RPF1: variants seen among roughly 807,000 people sequenced by gnomAD.
RPF1 encodes ribosome production factor 1.
A neutral mutation model predicts 41.9 loss-of-function variants in RPF1; 34 were observed. The observed-to-expected ratio is 0.81, with a 90% CI of 0.62 to 1.08. The LOEUF (loss-of-function observed/expected upper bound fraction) is 1.08, where lower values mean the gene tolerates loss of function less well. RPF1 is among the 50% of genes least tolerant of loss of function. The pLI is 0.00. For synonymous variants in RPF1, 140 were observed against 148.9 expected (o/e 0.94, Z 0.43); for missense variants, 425 against 435.2 (o/e 0.98, Z 0.21).
Position 84,482,904 on chromosome 1 carries a change from CT to C in RPF1, c.286-7del. On this transcript the variant is annotated splice_polypyrimidine_tract_variant and intron_variant, in intron 2 of 8. Coordinates refer to ENST00000370654, the MANE Select transcript of RPF1 (RefSeq NM_025065.7). ...ATCCTTCTAAAATGTAATCCCTTCT[CT>C]TTTACTTAGGCTCCACCAAAGCCTG... 6.4e-7 allele frequency: 1 copy of C among 1,573,942 alleles called. No individual in the cohort carries two copies. Among genetic ancestry groups the C allele is most frequent in the Non-Finnish European group, 8.7e-7 (1 of 1,146,640 alleles).
Position 84,496,260 on chromosome 1 carries a change from G to T in RPF1, c.898G>T (p.Glu300Ter). The T allele has an allele frequency of 6.2e-7, 1 of 1,613,360 alleles. No homozygotes were observed. The highest frequency in any genetic ancestry group is 1.7e-4 in the Middle Eastern group (1 of 6,052). Reference sequence around the variant, plus strand: ...TCTTTGAAGATACATATTCAGGAGTGAAAAGAAAGTGGGAATTCAGGAACT... The same window carrying T: ...TCTTTGAAGATACATATTCAGGAGTTAAAAGAAAGTGGGAATTCAGGAACT... ...FRFHRYIFRS[E>*]KKVGIQELGP... The change falls in exon 8 of 9, where the codon GAA becomes TAA. Residue 300 changes from glutamate to a stop codon, truncating the protein, a stop_gained. Transcript: ENST00000370654. LOFTEE classifies it high-confidence loss of function.
chr1:84,483,652 A>T (rs1272044553), intron 3 of RPF1, among the ~76,000 whole-genome samples: 1 of 152,144 alleles, frequency 6.6e-6, no homozygotes, highest in Non-Finnish European at 1.5e-5. Flanking sequence ...ATTTGATGCT[A>T]TTTTTTGTAT....
At chr1:84,482,486 C>A (rs1241348147) in intron 2 of RPF1, among the ~76,000 whole-genome samples, 1 of 152,162 alleles carries the variant, frequency 6.6e-6, no homozygotes, top group East Asian at 1.9e-4. Flanking sequence ...ATTACTAGGT[C>A]AATGGATAAC....
At chr1:84,492,372 CTT>C (rs890528528) in intron 5 of RPF1, among the ~76,000 whole-genome samples, 3 of 152,120 alleles carry the variant, frequency 2.0e-5, no homozygotes, top group African/African-American at 7.2e-5. Context: ...AAGGGATATA[CTT>C]TTTTGACTTA....
chr1:84,493,388 G>A (rs1681869043), intron 5 of RPF1, among the ~76,000 whole-genome samples: 1 of 150,770 alleles, frequency 6.6e-6, no homozygotes, highest in Non-Finnish European at 1.5e-5. Flanking sequence ...GGGAGGCTAA[G>A]GCAGGTGGAT....
In RPF1 at chr1:84,480,986, A is replaced by T; in HGVS notation, c.259A>T (p.Lys87Ter). ...EKLAAKKKLK[K>*]EREALGDKAP... ...GTTGGCAGCTAAGAAAAAACTTAAA[A>T]AAGAAAGAGAGGCTCTTGGCGATAA... Residue 87 changes from lysine (K) to a stop codon, truncating the protein, a stop_gained, in exon 2 of 9, where the codon AAA (lysine) becomes TAA (stop). Coordinates refer to ENST00000370654, the MANE Select transcript of RPF1 (RefSeq NM_025065.7). LOFTEE classifies it high-confidence loss of function. 6 of 1,596,390 alleles carry T rather than the reference A, an allele frequency of 3.8e-6. No homozygotes were observed. Among genetic ancestry groups the T allele is most frequent in the Non-Finnish European group, 5.1e-6 (6 of 1,166,884 alleles).
chr1:84,489,621 C>T lies in RPF1; in HGVS notation c.367-12C>T. On this transcript the variant is annotated splice_polypyrimidine_tract_variant and intron_variant, in intron 3 of 8. Transcript: ENST00000370654. ...TCTTTGATGTAAAATTATTCCTCTT[C>T]TCTGTTCTCAGGTCGCTTATGATGA... 2 of 1,488,254 alleles carry T rather than the reference C, an allele frequency of 1.3e-6. No individual in the cohort carries two copies. The highest frequency in any genetic ancestry group is 1.9e-6 in the Non-Finnish European group (2 of 1,065,672). 92.2% of individuals were successfully genotyped at this position (1,488,254 alleles called of 1,614,324 possible).
At position 84,495,452 on chromosome 1, in the gene RPF1, T is replaced by C. The variant is rs561518447; in HGVS notation, c.696T>C (p.Ile232=). 5.3e-4 allele frequency: 732 copies of C among 1,372,188 alleles called. 9 individuals carry two copies. In the South Asian group the frequency reaches 8.2e-3, roughly 15 times the overall value. 85.0% of individuals were successfully genotyped at this position (1,372,188 alleles called of 1,614,324 possible). A position where few individuals can be genotyped will look rare whatever the true frequency, so the allele number is the denominator to read the frequency against. Residue 232 remains isoleucine (I), a synonymous_variant, in exon 6 of 9, where the codon ATT becomes ATC. Transcript: ENST00000370654. Reference sequence around the variant, plus strand: ...GCAGTGTTCGTCTTCGTAAAGAAATTAAGGTAAGTTTTATACATTTCTTTG... The same window carrying C: ...GCAGTGTTCGTCTTCGTAAAGAAATCAAGGTAAGTTTTATACATTTCTTTG... ...KMSSVRLRKE[I]KRRGKDPTEH...
chr1:84,495,828 G>A (rs1570354461), intron 6 of RPF1, 54 bp from the exon 7 acceptor site: 11 of 1,152,644 alleles, frequency 9.5e-6, no homozygotes, highest in South Asian at 6.3e-5. Flanking sequence ...GCATTGGGAC[G>A]TATTGCCAAT....
chr1:84,497,127 C>G (rs568505921), intron 8 of RPF1, among the ~76,000 whole-genome samples: 1 of 151,584 alleles, frequency 6.6e-6, no homozygotes, highest in East Asian at 1.9e-4. Context: ...GCCTCAGCCT[C>G]CCAAAGTGCT....
rs2101889146 is a variant in RPF1, at chr1:84,497,622, C to T, written c.*152C>T. The T allele has an allele frequency of 1.9e-6, 1 of 516,770 alleles. No homozygotes were observed. Among genetic ancestry groups the T allele is most frequent in the East Asian group, 3.3e-5 (1 of 30,002 alleles). The allele number at this position is 516,770 out of a possible 1,614,324, so 32.0% of individuals were successfully genotyped here. Reference sequence around the variant, plus strand: ...AATTACCAAATGCCATGAATTGCCACTGTGTGTTTATGTAGAAAATACAAA... The same window carrying T: ...AATTACCAAATGCCATGAATTGCCATTGTGTGTTTATGTAGAAAATACAAA... On this transcript the variant is annotated 3_prime_UTR_variant, in exon 9 of 9. Coordinates refer to ENST00000370654, the MANE Select transcript of RPF1 (RefSeq NM_025065.7).
At chr1:84,485,472 T>A (rs1681720647) in intron 3 of RPF1, among the ~76,000 whole-genome samples, 1 of 148,450 alleles carries the variant, frequency 6.7e-6, no homozygotes, top group African/African-American at 2.6e-5. Context: ...CCCCATCACA[T>A]GAGGTGAGGT....
intron 5 of RPF1, among the ~76,000 whole-genome samples, chr1:84,492,130 C>CT (rs762462954): frequency 1.2e-4 from 18 of 150,794 alleles, no homozygotes; most frequent in Admixed American, 6.6e-5. Context: ...CACTGCACTC[C>CT]AGCCTGGGTG....
chr1:84,486,956 C>A (rs1316140989), intron 3 of RPF1, among the ~76,000 whole-genome samples: 1 of 152,062 alleles, frequency 6.6e-6, no homozygotes, highest in Non-Finnish European at 1.5e-5. Flanking sequence ...ATGTGGAAGA[C>A]TGAGTGAAGG....
intron 5 of RPF1, among the ~76,000 whole-genome samples, chr1:84,494,097 A>G (rs994123172): frequency 1.6e-4 from 24 of 152,254 alleles, no homozygotes; most frequent in Non-Finnish European, 2.4e-4. Flanking sequence ...GGTTACTTAT[A>G]GAACCAAGGC....
intron 3 of RPF1, among the ~76,000 whole-genome samples, chr1:84,486,793 C>T (rs184888456): frequency 1.2e-4 from 19 of 152,076 alleles, no homozygotes; most frequent in African/African-American, 4.1e-4. Flanking sequence ...TGATCTGATT[C>T]TAAATATTTT....
intron 3 of RPF1, among the ~76,000 whole-genome samples, chr1:84,484,342 C>A (rs1260497286): frequency 6.6e-6 from 1 of 151,596 alleles, no homozygotes; most frequent in African/African-American, 2.4e-5. Flanking sequence ...GCACAGTTAG[C>A]AAAATCAGAC....
intron 5 of RPF1, among the ~76,000 whole-genome samples, chr1:84,490,949 C>T (rs1441452027): frequency 6.6e-6 from 1 of 152,092 alleles, no homozygotes; most frequent in East Asian, 1.9e-4. Flanking sequence ...TGCAGAGGGA[C>T]TACCATTTGG....
chr1:84,486,233 C>T (rs1558540781), intron 3 of RPF1, among the ~76,000 whole-genome samples: 1 of 152,068 alleles, frequency 6.6e-6, no homozygotes, highest in Admixed American at 6.5e-5. Flanking sequence ...CTTTGTTGGC[C>T]GGTATGAGGA....
Sources: gnomAD v4.1 joint callset for allele counts (sites outside exome capture counted in the v4.1 genomes callset) on GRCh38, gnomAD v4.1.1 for gene constraint, MANE v1.5 for transcripts, NCBI Gene and HGNC (gene_info 2026-07-23, HGNC 2026-07-21) for gene names.